FRMD4B: variants seen among roughly 807,000 people sequenced by gnomAD.
FRMD4B encodes FERM domain-containing protein 4B.
In FRMD4B, 74 loss-of-function variants were observed where a neutral mutation model predicts 141.5. The ratio of observed to expected loss-of-function variants is 0.52; its 90% CI spans 0.43 to 0.63. FRMD4B has a LOEUF of 0.63. Ranked by LOEUF, FRMD4B falls within the 30% of genes least tolerant of loss-of-function variation. FRMD4B has a pLI of 0.00. For missense variants in FRMD4B, 1,366 were observed against 1,253.4 expected (o/e 1.09, Z -1.36); for synonymous variants, 506 against 467.9 (o/e 1.08, Z -1.05).
chr3:69,231,635 C>T (rs1424003449), intron 7 of FRMD4B, among the ~76,000 whole-genome samples: 1 of 152,204 alleles, frequency 6.6e-6, no homozygotes, highest in Non-Finnish European at 1.5e-5. Flanking sequence ...ACATGTTTTA[C>T]ACATTATTCT....
Position 69,374,150 on chromosome 3 carries a change from A to G in FRMD4B, c.162+11678T>C, listed in dbSNP as rs148224631. Among the ~76,000 whole-genome samples the G allele has an allele frequency of 4.6e-3, 702 of 152,202 alleles. 7 individuals carry two copies. Among genetic ancestry groups the G allele is most frequent in the African/African-American group, 0.016 (662 of 41,554 alleles). On this transcript the variant is annotated intron_variant, in intron 1 of 22. Coordinates refer to ENST00000398540, the MANE Select transcript of FRMD4B (RefSeq NM_015123.3). ...GGATCAAGTCTTTGCAAGGGGTCCA[A>G]ATTTTTACATTTGAAGAGCTACTAT... is the stretch of plus-strand genomic sequence containing the variant.
At chr3:69,494,257 C>T (rs2221102) in intron 1 of FRMD4B, among the ~76,000 whole-genome samples, 150,783 of 152,332 alleles carry the variant, frequency 0.99, 74,624 homozygotes, top group East Asian at 1. Flanking sequence ...GTGGTGTATA[C>T]TGGGTGGGTC....
chr3:69,490,856 T>A (rs1458139641), intron 1 of FRMD4B, among the ~76,000 whole-genome samples: 4 of 152,136 alleles, frequency 2.6e-5, no homozygotes, highest in African/African-American at 9.7e-5. Context: ...GGTTGCTTGC[T>A]TCTGCCCTAG....
At chr3:69,304,450 C>T (rs1004878047) in intron 3 of FRMD4B, among the ~76,000 whole-genome samples, 1 of 146,686 alleles carries the variant, frequency 6.8e-6, no homozygotes, top group Admixed American at 7.0e-5. Context: ...TGCCACTACA[C>T]TCCAGCTTGC....
chr3:69,267,662 G>T (rs865847993), intron 5 of FRMD4B, among the ~76,000 whole-genome samples: 1 of 140,206 alleles, frequency 7.1e-6, no homozygotes, highest in African/African-American at 2.7e-5. Flanking sequence ...GAGAGAGAGA[G>T]AGAGAGAGAG....
chr3:69,459,324 C>T (rs1705672759), intron 1 of FRMD4B, among the ~76,000 whole-genome samples: 1 of 152,034 alleles, frequency 6.6e-6, no homozygotes, highest in Non-Finnish European at 1.5e-5. Flanking sequence ...AGTGCTTTGG[C>T]TGAAATAGCT....
intron 1 of FRMD4B, among the ~76,000 whole-genome samples, chr3:69,495,478 G>A (rs753298272): frequency 1.3e-5 from 2 of 152,190 alleles, no homozygotes; most frequent in East Asian, 1.9e-4. Flanking sequence ...CCCCTGGGCT[G>A]TGTCACTCTC....
intron 2 of FRMD4B, among the ~76,000 whole-genome samples, chr3:69,312,783 A>G (rs1701643103): frequency 6.6e-6 from 1 of 152,166 alleles, no homozygotes; most frequent in Non-Finnish European, 1.5e-5. Context: ...CCTGTACTCA[A>G]GAGGTTGAGT....
At chr3:69,381,515 C>T (rs1374626055) in intron 1 of FRMD4B, among the ~76,000 whole-genome samples, 4 of 152,162 alleles carry the variant, frequency 2.6e-5, no homozygotes, top group Admixed American at 2.6e-4. Context: ...AGAAAAATGA[C>T]ACCTTTTTAT....
At chr3:69,191,414 G>C (rs2092835672) in intron 17 of FRMD4B, among the ~76,000 whole-genome samples, 1 of 151,580 alleles carries the variant, frequency 6.6e-6, no homozygotes, top group African/African-American at 2.4e-5. Context: ...AGACAGCTCT[G>C]TCTCAAAAGA....
At chr3:69,464,099 C>T (rs1233260230) in intron 1 of FRMD4B, among the ~76,000 whole-genome samples, 4 of 152,202 alleles carry the variant, frequency 2.6e-5, no homozygotes, top group East Asian at 1.9e-4. Flanking sequence ...GCAACTACCA[C>T]GTGCAGACTC....
intron 1 of FRMD4B, among the ~76,000 whole-genome samples, chr3:69,457,288 AG>A (rs1292722475): frequency 1.3e-5 from 2 of 152,220 alleles, no homozygotes; most frequent in African/African-American, 4.8e-5. Context: ...AAGGAAAAAA[AG>A]GTTAGCATGG....
At chr3:69,326,409 T>C (rs555056176) in intron 1 of FRMD4B, among the ~76,000 whole-genome samples, 1 of 152,292 alleles carries the variant, frequency 6.6e-6, no homozygotes, top group Admixed American at 6.5e-5. Flanking sequence ...ACAACCACCA[T>C]TTTTAGCTGT....
rs1358706842 is a variant in FRMD4B at position 69,181,602 on chromosome 3, T to C, written c.2148A>G (p.Lys716=). 2 of 1,613,712 alleles carry C rather than the reference T, an allele frequency of 1.2e-6. No homozygotes were observed. The highest frequency in any genetic ancestry group is 2.2e-5 in the South Asian group (2 of 91,056). The change falls in exon 21 of 23, where the codon AAA becomes AAG. Residue 716 remains lysine, a synonymous_variant. Coordinates refer to ENST00000398540, the MANE Select transcript of FRMD4B (RefSeq NM_015123.3). ...DSDKPFFSLS[K]SQRSSSTEIL... ...TTTCTGTGCTGCTGCTTCTTTGGGA[T>C]TTGGAGAGGGAGAAAAATGGCTTAT... is the stretch of plus-strand genomic sequence containing the variant.
intron 2 of FRMD4B, among the ~76,000 whole-genome samples, chr3:69,413,082 C>G (rs1032722827): frequency 6.6e-6 from 1 of 152,040 alleles, no homozygotes; most frequent in African/African-American, 2.4e-5. Context: ...CATTGCTATA[C>G]TCTTGATACG....
chr3:69,256,368 G>A (rs2093493073), intron 5 of FRMD4B, among the ~76,000 whole-genome samples: 1 of 152,166 alleles, frequency 6.6e-6, no homozygotes, highest in African/African-American at 2.4e-5. Flanking sequence ...CTCACAGGCT[G>A]GAGTGCAGTG....
chr3:69,240,076 A>C (rs116574879), intron 7 of FRMD4B, among the ~76,000 whole-genome samples: 5,707 of 151,736 alleles, frequency 0.038, 348 homozygotes, highest in African/African-American at 0.13. Flanking sequence ...ACACACACAC[A>C]CCCAACATAA....
chr3:69,536,439 C>T (rs1353975331), intron 1 of FRMD4B: 10 of 707,454 alleles, frequency 1.4e-5, no homozygotes, highest in South Asian at 4.4e-5. Context: ...GGACGTCCAC[C>T]GTTGGGTACT....
intron 1 of FRMD4B, among the ~76,000 whole-genome samples, chr3:69,479,374 C>A (rs1376538053): frequency 2.8e-4 from 42 of 148,962 alleles, no homozygotes; most frequent in South Asian, 6.5e-4. Context: ...TTAGTGTTTC[C>A]TTCAGGAGCT....
Sources: gnomAD v4.1 joint callset for allele counts (sites outside exome capture counted in the v4.1 genomes callset) on GRCh38, gnomAD v4.1.1 for gene constraint, MANE v1.5 for transcripts, NCBI Gene and HGNC (gene_info 2026-07-23, HGNC 2026-07-21) for gene names.